The following GPHN variants were observed in gnomAD, a reference collection of about 807,000 sequenced individuals.
The protein encoded by GPHN is gephyrin.
A neutral mutation model predicts 95.5 loss-of-function variants in GPHN; 17 were observed. That is an observed-to-expected ratio of 0.18 (90% CI 0.12 to 0.27). The LOEUF (loss-of-function observed/expected upper bound fraction) is 0.27, where lower values mean the gene tolerates loss of function less well. Among genes scored for constraint, GPHN ranks in the 10% least tolerant of loss-of-function variants. GPHN has a pLI of 1.00. For missense variants in GPHN, 660 were observed against 978.1 expected (o/e 0.67, Z 4.34); for synonymous variants, 320 against 322.5 (o/e 0.99, Z 0.08).
At chr14:67,677,406 T>C in the GPHN span, 5 of 147,004 alleles carry the variant, frequency 3.4e-5, no homozygotes, top group Admixed American at 7.0e-5. Flanking sequence ...ACACTGGTTT[T>C]TGTTAAGACC....
At chr14:66,787,485 C>G (rs2059817882) in intron 3 of GPHN, among the ~76,000 whole-genome samples, 1 of 151,974 alleles carries the variant, frequency 6.6e-6, no homozygotes. Context: ...TAAATTCATT[C>G]TAAAATTATA....
chr14:66,570,655 A>G (rs1385716928), intron 1 of GPHN, among the ~76,000 whole-genome samples: 1 of 152,162 alleles, frequency 6.6e-6, no homozygotes, highest in Non-Finnish European at 1.5e-5. Flanking sequence ...ATTGACTCAA[A>G]GAATTGTTCT....
At chr14:66,898,926 A>C (rs185382060) in intron 5 of GPHN, among the ~76,000 whole-genome samples, 11 of 151,946 alleles carry the variant, frequency 7.2e-5, no homozygotes, top group Admixed American at 5.9e-4. Flanking sequence ...AAAAGTCTGA[A>C]CATGTTTCGT....
intron 6 of GPHN, among the ~76,000 whole-genome samples, chr14:66,921,185 GT>G (rs918519431): frequency 3.2e-4 from 48 of 152,250 alleles, no homozygotes; most frequent in African/African-American, 9.6e-4. Context: ...GTTTTCCTTA[GT>G]GGTTTCACTA....
the GPHN span, among the ~76,000 whole-genome samples, chr14:67,285,922 C>G: frequency 1.3e-5 from 2 of 152,046 alleles, no homozygotes; most frequent in African/African-American, 4.8e-5. Context: ...TATCCTAAAG[C>G]CAAATGTAAG....
intron 5 of GPHN, among the ~76,000 whole-genome samples, chr14:66,880,467 T>C (rs193220394): frequency 6.6e-6 from 1 of 152,130 alleles, no homozygotes; most frequent in Admixed American, 6.6e-5. Flanking sequence ...TTTATTACTA[T>C]GTAAAGTTAC....
the GPHN span, among the ~76,000 whole-genome samples, chr14:67,671,950 C>T: frequency 2.6e-5 from 4 of 152,210 alleles, no homozygotes; most frequent in South Asian, 2.1e-4. Context: ...CCTCTTAATG[C>T]GATTAAAATA....
the GPHN span, among the ~76,000 whole-genome samples, chr14:67,192,394 T>G: frequency 1.3e-5 from 2 of 152,134 alleles, no homozygotes; most frequent in Non-Finnish European, 2.9e-5. Flanking sequence ...TTTCCCTACC[T>G]AACACCTTGA....
At chr14:67,644,695 C>T in the GPHN span, among the ~76,000 whole-genome samples, 6 of 152,136 alleles carry the variant, frequency 3.9e-5, no homozygotes, top group African/African-American at 7.2e-5. Flanking sequence ...AACAGAAATA[C>T]ACTTTAAGAT....
chr14:67,345,159 T>C, the GPHN span, among the ~76,000 whole-genome samples: 1 of 151,864 alleles, frequency 6.6e-6, no homozygotes, highest in Non-Finnish European at 1.5e-5. Flanking sequence ...GGCGGATCAC[T>C]TAAGCCCAGG....
intron 11 of GPHN, among the ~76,000 whole-genome samples, chr14:67,064,335 C>T (rs931319999): frequency 6.6e-6 from 1 of 152,092 alleles, no homozygotes; most frequent in African/African-American, 2.4e-5. Context: ...TTCGGTTTGC[C>T]AGTATTTTAT....
chr14:66,668,687 T>G (rs1338878102), intron 1 of GPHN, among the ~76,000 whole-genome samples: 2 of 152,016 alleles, frequency 1.3e-5, no homozygotes, highest in East Asian at 3.9e-4. Flanking sequence ...TGGATACTAG[T>G]CTTAATACCT....
chr14:67,690,174 C>A, the GPHN span: 1 of 1,583,040 alleles, frequency 6.3e-7, no homozygotes, highest in South Asian at 1.1e-5. Context: ...CTGCCTCTCT[C>A]TGACTCATGT....
At chr14:67,064,161 G>C (rs192378985) in intron 11 of GPHN, among the ~76,000 whole-genome samples, 1 of 152,134 alleles carries the variant, frequency 6.6e-6, no homozygotes, top group East Asian at 1.9e-4. Flanking sequence ...GAGTTTTGTC[G>C]AAGGCCTTTT....
Position 67,090,971 on chromosome 14 carries a change from T to A in GPHN, c.1237+1896T>A, listed in dbSNP as rs866610066. Among the ~76,000 whole-genome samples the A allele has an allele frequency of 2.0e-3, 290 of 145,848 alleles. 2 individuals carry two copies. Among genetic ancestry groups the A allele is most frequent in the Admixed American group, 3.3e-3 (48 of 14,564 alleles). ...CTTAGTAAACTACCTGGCACACATT[T>A]AAAAAAAAAAACACTTGATAATTGT... On this transcript the variant is annotated intron_variant, in intron 12 of 22. Coordinates refer to ENST00000478722, the MANE Select transcript of GPHN (RefSeq NM_020806.5).
At chr14:67,627,281 A>ATATATATATATC in the GPHN span, among the ~76,000 whole-genome samples, 2 of 146,356 alleles carry the variant, frequency 1.4e-5, no homozygotes, top group African/African-American at 5.0e-5. Flanking sequence ...ATATATATAT[A>ATATATATATATC]TCTGAAACTT....
intron 18 of GPHN, among the ~76,000 whole-genome samples, chr14:67,150,714 T>G (rs542190500): frequency 1.3e-5 from 2 of 152,110 alleles, no homozygotes; most frequent in African/African-American, 4.8e-5. Flanking sequence ...GGGTTTGTTT[T>G]TTTTCTTTGT....
At chr14:67,081,411 T>C (rs1555485713) in intron 11 of GPHN, among the ~76,000 whole-genome samples, 1 of 152,174 alleles carries the variant, frequency 6.6e-6, no homozygotes, top group Non-Finnish European at 1.5e-5. Flanking sequence ...CTTTTGAGAA[T>C]TGTCTATTCA....
intron 16 of GPHN, among the ~76,000 whole-genome samples, chr14:67,115,407 T>C (rs1394437677): frequency 1.3e-5 from 2 of 152,188 alleles, no homozygotes; most frequent in African/African-American, 2.4e-5. Flanking sequence ...GTACAAACTT[T>C]CCTTAAGTAT....
Sources: gnomAD v4.1 joint callset for allele counts (sites outside exome capture counted in the v4.1 genomes callset) on GRCh38, gnomAD v4.1.1 for gene constraint, MANE v1.5 for transcripts, NCBI Gene and HGNC (gene_info 2026-07-23, HGNC 2026-07-21) for gene names.